The following BCL6 variants were observed in gnomAD, a reference collection of about 807,000 sequenced individuals.
BCL6 encodes B-cell lymphoma 6 protein.
In BCL6, 7 loss-of-function variants were observed where a neutral mutation model predicts 59.5. The ratio of observed to expected loss-of-function variants is 0.12; its 90% CI spans 0.07 to 0.22. The LOEUF (loss-of-function observed/expected upper bound fraction) is 0.22. Ranked by LOEUF, BCL6 falls within the 10% of genes least tolerant of loss-of-function variation. The probability of loss-of-function intolerance (pLI) is 1.00; values close to 1 mark genes in which losing one functional copy is unlikely to be tolerated. For missense variants in BCL6, 685 were observed against 939.4 expected (o/e 0.73, Z 3.54); for synonymous variants, 339 against 349.7 (o/e 0.97, Z 0.34).
intron 1 of BCL6, among the ~76,000 whole-genome samples, chr3:187,744,564 G>T: frequency 6.6e-6 from 1 of 152,140 alleles, no homozygotes; most frequent in Non-Finnish European, 1.5e-5. Flanking sequence ...CATCTCATCT[G>T]GATTTATGAC....
At position 187,729,005 on chromosome 3, in the gene BCL6, C is replaced by T. The variant is rs768128705; in HGVS notation, c.1355+45G>A. ...AAAGAAGAAACGACATGGAACCCTG[C>T]CCAGGTAACCCCTGACCTCAGACCC... On this transcript the variant is annotated intron_variant, in intron 5 of 9. Transcript: ENST00000406870. This position sits in a 1 kb window ranked among gnomAD's most constrained non-coding sequence, Gnocchi z 5.6. 1 of 1,507,806 alleles carries T rather than the reference C, an allele frequency of 6.6e-7. No individual in the cohort carries two copies. Among genetic ancestry groups the T allele is most frequent in the East Asian group, 2.3e-5 (1 of 43,820 alleles). 93.4% of individuals were successfully genotyped at this position (1,507,806 alleles called of 1,614,324 possible). A position where few individuals can be genotyped will look rare whatever the true frequency, so the allele number is the denominator to read the frequency against.
intron 3 of BCL6, 27 bp from the exon 4 acceptor site, chr3:187,731,957 T>G: frequency 6.3e-7 from 1 of 1,575,310 alleles, no homozygotes; most frequent in Non-Finnish European, 8.7e-7. Context: ...TGTCCCACTA[T>G]AGTAGACATA....
At chr3:187,744,413 A>G (rs1229863402) in intron 1 of BCL6, among the ~76,000 whole-genome samples, 3 of 151,978 alleles carry the variant, frequency 2.0e-5, no homozygotes, top group South Asian at 2.1e-4. Flanking sequence ...TCCCTCGACT[A>G]CAACCAAGAA....
chr3:187,725,488 A>G lies in BCL6; in HGVS notation c.1839+11T>C, dbSNP rs771969572. The G allele has an allele frequency of 3.5e-5, 56 of 1,609,308 alleles. No homozygotes were observed. Among genetic ancestry groups the G allele is most frequent in the African/African-American group, 1.1e-4 (8 of 73,806 alleles). ...GCCTGCCCGCTCCGCTCGCCTGCCCACTCTGCTCACCTGTACAAATCTGGC... is the reference window on the plus strand; with the variant it reads ...GCCTGCCCGCTCCGCTCGCCTGCCCGCTCTGCTCACCTGTACAAATCTGGC... On this transcript the variant is annotated intron_variant, in intron 8 of 9. Coordinates refer to ENST00000406870, the MANE Select transcript of BCL6 (RefSeq NM_001706.5). The surrounding 1 kb of genome is among the most constrained non-coding windows in gnomAD (Gnocchi z 4.7).
chr3:187,741,047 C>A (rs996885811), intron 1 of BCL6, among the ~76,000 whole-genome samples: 1 of 152,198 alleles, frequency 6.6e-6, no homozygotes, highest in African/African-American at 2.4e-5. Context: ...AGGTGGCAGG[C>A]CAGCCCGTCC....
chr3:187,733,406 T>G (rs1361168020), intron 3 of BCL6, 127 bp downstream of exon 3: 1 of 1,119,610 alleles, frequency 8.9e-7, no homozygotes, highest in Non-Finnish European at 1.3e-6. Context: ...GCCATGGTGC[T>G]GAGATCTGGA....
rs138317050 is a variant in BCL6, at chr3:187,727,775, A to G, written c.1540+585T>C. The stretch of plus-strand genomic sequence containing the variant: ...CCCTGATTAGGTACTACTGGGCTCT[A>G]TTACTGTAGCCAGAGCTGGGCGAAG... On this transcript the variant is annotated intron_variant, in intron 6 of 9. Coordinates refer to ENST00000406870, the MANE Select transcript of BCL6 (RefSeq NM_001706.5). Among the ~76,000 whole-genome samples the G allele has an allele frequency of 3.3e-5, 5 of 152,374 alleles. No individual in the cohort carries two copies. In the East Asian group the frequency reaches 5.8e-4, roughly 18 times the overall value.
Position 187,733,718 on chromosome 3 carries a change from C to T in BCL6, c.-10-15G>A, listed in dbSNP as rs1560153954. On this transcript the variant is annotated splice_polypyrimidine_tract_variant and intron_variant, in intron 2 of 9. Transcript: ENST00000406870. Reference sequence around the variant, plus strand: ...TTTTGTCTTCACTTGAAAAAAGAGGCCAAAATCCTGTTAGTCCTCCAGAAC... The same window carrying T: ...TTTTGTCTTCACTTGAAAAAAGAGGTCAAAATCCTGTTAGTCCTCCAGAAC... The T allele has an allele frequency of 1.9e-6, 3 of 1,613,514 alleles. No homozygotes were observed. Among genetic ancestry groups the T allele is most frequent in the South Asian group, 1.1e-5 (1 of 91,048 alleles).
intron 1 of BCL6, among the ~76,000 whole-genome samples, chr3:187,740,584 C>T (rs746992625): frequency 2.0e-5 from 3 of 152,180 alleles, no homozygotes; most frequent in Non-Finnish European, 4.4e-5. Context: ...ATAAACCCGC[C>T]TTTGGCTTTC....
intron 1 of BCL6, among the ~76,000 whole-genome samples, chr3:187,743,894 A>T: frequency 6.6e-6 from 1 of 152,132 alleles, no homozygotes. Context: ...TTTTTGCAAA[A>T]TCACTCACAA....
intron 1 of BCL6, among the ~76,000 whole-genome samples, chr3:187,738,498 T>C (rs1302823485): frequency 1.3e-5 from 2 of 152,208 alleles, no homozygotes; most frequent in Non-Finnish European, 2.9e-5. Context: ...CCCGAAACCG[T>C]AGAGACACAG....
chr3:187,729,467 G>A lies in BCL6; in HGVS notation c.938C>T (p.Ala313Val). 1 of 1,611,046 alleles carries A rather than the reference G, an allele frequency of 6.2e-7. No homozygotes were observed. The highest frequency in any genetic ancestry group is 8.5e-7 in the Non-Finnish European group (1 of 1,178,200). Residue 313 changes from alanine to valine, a missense_variant, in exon 5 of 10, where the codon GCC (alanine) becomes GTC (valine). Transcript: ENST00000406870. This position sits in a 1 kb window ranked among gnomAD's most constrained non-coding sequence, Gnocchi z 5.6. ...EERPSSEDEIALHFEPPNAPL... is the reference protein window; with the variant it reads ...EERPSSEDEIVLHFEPPNAPL... ...TGCATTGGGGGGCTCGAAATGCAGG[G>A]CAATCTCATCTTCCGAGGAGGGTCT...
At chr3:187,724,380 T>C (rs2140423) in intron 9 of BCL6, among the ~76,000 whole-genome samples, 150,305 of 152,356 alleles carry the variant, frequency 0.99, 74,182 homozygotes, top group Middle Eastern at 1. Context: ...CCCTAGAACA[T>C]TCCAATCCCA....
chr3:187,744,857 C>G (rs566758639), intron 1 of BCL6, among the ~76,000 whole-genome samples: 6 of 152,182 alleles, frequency 3.9e-5, no homozygotes, highest in Middle Eastern at 3.4e-3. Context: ...AAAAACACAG[C>G]CGCACGAATC....
At chr3:187,745,210 T>G (rs969068579) in intron 1 of BCL6, among the ~76,000 whole-genome samples, 200 bp downstream of exon 1, 3 of 152,090 alleles carry the variant, frequency 2.0e-5, no homozygotes, top group South Asian at 2.1e-4. Flanking sequence ...ACCTGACAGC[T>G]AGAATAAATA....
intron 1 of BCL6, 60 bp downstream of exon 1, chr3:187,745,350 G>A: frequency 2.5e-6 from 1 of 401,524 alleles, no homozygotes; most frequent in Non-Finnish European, 4.4e-6. Context: ...CGGCACCAGC[G>A]GCAACAGCGG....
In BCL6 at chr3:187,733,855, G is replaced by C. The variant is rs1305400193; in HGVS notation, c.-10-152C>G. On this transcript the variant is annotated intron_variant, in intron 2 of 9. Coordinates refer to ENST00000406870, the MANE Select transcript of BCL6 (RefSeq NM_001706.5). ...TTGAACAATTCATAGTCCAACTCTG[G>C]CCATTATTCTTCATAGTTTTAAAAT... The C allele has an allele frequency of 3.2e-5, 24 of 746,432 alleles. No individual in the cohort carries two copies. The East Asian group carries it at 6.5e-4, about 20-fold the overall frequency. 46.2% of individuals were successfully genotyped at this position (746,432 alleles called of 1,614,324 possible). A position where few individuals can be genotyped will look rare whatever the true frequency, so the allele number is the denominator to read the frequency against.
intron 1 of BCL6, among the ~76,000 whole-genome samples, chr3:187,744,527 T>A (rs1711788432): frequency 6.6e-6 from 1 of 152,272 alleles, no homozygotes; most frequent in South Asian, 2.1e-4. Flanking sequence ...ATCACGGCTC[T>A]GAAAGGAAAT....
intron 1 of BCL6, among the ~76,000 whole-genome samples, chr3:187,744,853 A>T (rs539632378): frequency 6.6e-6 from 1 of 152,120 alleles, no homozygotes; most frequent in African/African-American, 2.4e-5. Context: ...GGGAAAAAAC[A>T]CAGCCGCACG....
Sources: gnomAD v4.1 joint callset for allele counts (sites outside exome capture counted in the v4.1 genomes callset) on GRCh38, gnomAD v4.1.1 for gene constraint, Gnocchi (gnomAD v3.1) non-coding constraint, MANE v1.5 for transcripts, NCBI Gene and HGNC (gene_info 2026-07-23, HGNC 2026-07-21) for gene names.